SYN3: variants seen among roughly 807,000 people sequenced by gnomAD.
SYN3 encodes the protein synapsin III.
Under a neutral mutation model 65.8 loss-of-function variants are expected in SYN3, and 35 were observed. The observed-to-expected ratio is 0.53, with a 90% CI of 0.41 to 0.70. SYN3 has a LOEUF of 0.70. Ranked by LOEUF, SYN3 falls within the 30% of genes least tolerant of loss-of-function variation. The pLI, the probability that SYN3 is intolerant of heterozygous loss-of-function variation, is 0.00. For missense variants in SYN3, 680 were observed against 749.0 expected (o/e 0.91, Z 1.08); for synonymous variants, 270 against 292.9 (o/e 0.92, Z 0.80).
intron 6 of SYN3, among the ~76,000 whole-genome samples, chr22:32,758,681 C>CAT (rs71187211): frequency 0.1 from 3,385 of 33,032 alleles, 1,029 homozygotes; most frequent in East Asian, 0.17. Context: ...TTACTAAACT[C>CAT]ATATATATAT....
In SYN3 at chr22:32,592,624, T is replaced by G. The variant is rs1319358790; in HGVS notation, c.774+4050A>C. Among the ~76,000 whole-genome samples the G allele has an allele frequency of 2.6e-5, 4 of 152,324 alleles. No homozygotes were observed. In the East Asian group the frequency reaches 7.7e-4, roughly 29 times the overall value. On this transcript the variant is annotated intron_variant, in intron 7 of 13. Coordinates refer to ENST00000358763, the MANE Select transcript of SYN3 (RefSeq NM_003490.4). ...AGGTTTCCTCTTACTAGTTGAATTTTCTCCTTTCCTGGGCATGCTCTTAAT... is the reference window on the plus strand; with the variant it reads ...AGGTTTCCTCTTACTAGTTGAATTTGCTCCTTTCCTGGGCATGCTCTTAAT...
Position 32,896,341 on chromosome 22 carries a change from A to G in SYN3, c.462-27216T>C, listed in dbSNP as rs1033356973. Among the ~76,000 whole-genome samples, 5 of 152,200 alleles carry G rather than the reference A, an allele frequency of 3.3e-5. No homozygotes were observed. In the South Asian group the frequency reaches 8.3e-4, roughly 25 times the overall value. On this transcript the variant is annotated intron_variant, in intron 4 of 13. Transcript: ENST00000358763. Reference sequence around the variant, plus strand: ...GCATGGTGGCATGCGCTGTAGTCCCAGCTACTCGGGAGGCTGAGGCAGGAG... The same window carrying G: ...GCATGGTGGCATGCGCTGTAGTCCCGGCTACTCGGGAGGCTGAGGCAGGAG...
rs576449156 is a variant in SYN3 at position 32,972,299 on chromosome 22, G to C, written c.369+8346C>G. On this transcript the variant is annotated intron_variant, in intron 3 of 13. Transcript: ENST00000358763. ...GGTGTATCCATATGACAGACCCCAG[G>C]CCATCCTTAACAAGAATGAGGCAGG... Among the ~76,000 whole-genome samples the C allele has an allele frequency of 3.9e-5, 6 of 152,202 alleles. No homozygotes were observed. The East Asian group carries it at 1.2e-3, about 29-fold the overall frequency.
At chr22:32,821,045 T>C (rs980567653) in intron 6 of SYN3, among the ~76,000 whole-genome samples, 9 of 152,006 alleles carry the variant, frequency 5.9e-5, no homozygotes. Context: ...CACTAGAGAA[T>C]TTATATTTTT....
intron 6 of SYN3, among the ~76,000 whole-genome samples, chr22:32,651,642 C>T (rs1258945300): frequency 1.3e-5 from 2 of 152,148 alleles, no homozygotes; most frequent in Non-Finnish European, 2.9e-5. Flanking sequence ...TCAACTCAGC[C>T]ACGCGTGATA....
chr22:32,820,246 G>GTA (rs1326332795), intron 6 of SYN3, among the ~76,000 whole-genome samples: 3 of 149,902 alleles, frequency 2.0e-5, no homozygotes, highest in African/African-American at 7.3e-5. Flanking sequence ...TCTCCCCTGT[G>GTA]TGTGTGTGTG....
intron 4 of SYN3, among the ~76,000 whole-genome samples, chr22:32,896,504 C>T (rs1376202277): frequency 2.0e-5 from 3 of 152,052 alleles, no homozygotes; most frequent in Admixed American, 6.6e-5. Context: ...TATCATAAGA[C>T]ATAAAGGCTA....
chr22:32,997,184 C>T (rs980292035), intron 2 of SYN3, among the ~76,000 whole-genome samples: 6 of 152,166 alleles, frequency 3.9e-5, no homozygotes, highest in Non-Finnish European at 7.4e-5. Context: ...CCTCAGTCTT[C>T]CCTATGTATA....
intron 6 of SYN3, among the ~76,000 whole-genome samples, chr22:32,774,480 C>T (rs1042554258): frequency 2.0e-5 from 3 of 152,158 alleles, no homozygotes; most frequent in African/African-American, 7.2e-5. Context: ...AGAGATGAAG[C>T]CCTGTCCACA....
At chr22:32,799,157 G>A (rs141140340) in intron 6 of SYN3, among the ~76,000 whole-genome samples, 1 of 152,318 alleles carries the variant, frequency 6.6e-6, no homozygotes, top group East Asian at 1.9e-4. Context: ...CCCTACGCAA[G>A]GATTCATGGA....
At chr22:32,677,247 T>C (rs1237998719) in intron 6 of SYN3, among the ~76,000 whole-genome samples, 1 of 152,056 alleles carries the variant, frequency 6.6e-6, no homozygotes, top group Non-Finnish European at 1.5e-5. Flanking sequence ...GGGTAATCGG[T>C]GATGAGTTTT....
At chr22:33,032,663 A>G (rs1170091816) in intron 1 of SYN3, among the ~76,000 whole-genome samples, 2 of 151,892 alleles carry the variant, frequency 1.3e-5, no homozygotes, top group African/African-American at 2.4e-5. Flanking sequence ...TTTTTAATTC[A>G]TCCCATATAA....
Position 32,596,737 on chromosome 22 carries a change from C to T in SYN3, c.712-1G>A. The T allele has an allele frequency of 2.5e-6, 4 of 1,613,672 alleles. No individual in the cohort carries two copies. Among genetic ancestry groups the T allele is most frequent in the Non-Finnish European group, 3.4e-6 (4 of 1,179,794 alleles). On this transcript the variant is annotated splice_acceptor_variant, in intron 6 of 13. Transcript: ENST00000358763. LOFTEE classifies it high-confidence loss of function. ...CCACCGGGAAGTGTGGGGCTGTGACCTGAAAGAGACAAGAAGAAGTCACTC... is the reference window on the plus strand; with the variant it reads ...CCACCGGGAAGTGTGGGGCTGTGACTTGAAAGAGACAAGAAGAAGTCACTC...
intron 12 of SYN3, among the ~76,000 whole-genome samples, chr22:32,524,800 G>A (rs972130730): frequency 7.2e-5 from 11 of 152,108 alleles, no homozygotes; most frequent in African/African-American, 2.7e-4. Flanking sequence ...CACAAGGTAA[G>A]GAGTTCAAGA....
At chr22:32,521,540 T>G (rs1034700434) in intron 12 of SYN3, among the ~76,000 whole-genome samples, 1 of 149,094 alleles carries the variant, frequency 6.7e-6, no homozygotes, top group Non-Finnish European at 1.5e-5. Flanking sequence ...CTCTGTCTCC[T>G]GGGTTAAGAG....
intron 6 of SYN3, among the ~76,000 whole-genome samples, chr22:32,659,268 TAGAA>T (rs1205491510): frequency 6.6e-6 from 1 of 152,088 alleles, no homozygotes; most frequent in Non-Finnish European, 1.5e-5. Flanking sequence ...AGAAGAGTGT[TAGAA>T]AGGTCCATGT....
At chr22:32,986,150 G>A (rs551982644) in intron 2 of SYN3, among the ~76,000 whole-genome samples, 40 of 152,054 alleles carry the variant, frequency 2.6e-4, no homozygotes, top group Non-Finnish European at 5.3e-4. Context: ...ACAAATGTTC[G>A]CTGACCGGGT....
rs535839732 is a variant in SYN3, at chr22:32,814,876, A to C, written c.711+50039T>G. Among the ~76,000 whole-genome samples, 18 of 152,342 alleles carry C rather than the reference A, an allele frequency of 1.2e-4. No homozygotes were observed. The East Asian group carries it at 3.3e-3, about 28-fold the overall frequency. The stretch of plus-strand genomic sequence containing the variant: ...CATGTATGCAATTTTGAATTTTCCC[A>C]TAGTCATGTTTAAAAAAACGAGGAA... On this transcript the variant is annotated intron_variant, in intron 6 of 13. Coordinates refer to ENST00000358763, the MANE Select transcript of SYN3 (RefSeq NM_003490.4).
chr22:32,695,838 C>CT (rs145705786), intron 6 of SYN3, among the ~76,000 whole-genome samples: 9 of 151,562 alleles, frequency 5.9e-5, no homozygotes, highest in South Asian at 2.1e-4. Context: ...CTCTCTTTTC[C>CT]TTTTTTTTTC....
Sources: gnomAD v4.1 joint callset for allele counts (sites outside exome capture counted in the v4.1 genomes callset) on GRCh38, gnomAD v4.1.1 for gene constraint, MANE v1.5 for transcripts, NCBI Gene and HGNC (gene_info 2026-07-23, HGNC 2026-07-21) for gene names.